Variants in FAM135B observed in about 807,000 individuals in gnomAD.
The protein encoded by FAM135B is protein FAM135B.
FAM135B carries 43 observed loss-of-function variants against 127.7 expected under a neutral mutation model. The observed-to-expected ratio is 0.34, with a 90% CI of 0.26 to 0.43. FAM135B has a LOEUF of 0.43. Among genes scored for constraint, FAM135B ranks in the 20% least tolerant of loss-of-function variants. FAM135B has a pLI of 1.00. For synonymous variants in FAM135B, 670 were observed against 665.1 expected (o/e 1.01, Z -0.11); for missense variants, 1,558 against 1,725.6 (o/e 0.90, Z 1.72).
chr8:138,406,090 A>T (rs1445952753), intron 1 of FAM135B, among the ~76,000 whole-genome samples: 1 of 147,164 alleles, frequency 6.8e-6, no homozygotes, highest in African/African-American at 2.6e-5. Flanking sequence ...AATTTGTTTG[A>T]GTTCATTGTA....
intron 1 of FAM135B, among the ~76,000 whole-genome samples, chr8:138,449,508 AG>A (rs780185867): frequency 2.5e-3 from 383 of 152,188 alleles, no homozygotes; most frequent in Non-Finnish European, 3.4e-3. Flanking sequence ...ACCAATACGA[AG>A]GGGTGGTCAT....
At chr8:138,354,650 C>T (rs16908904) in intron 2 of FAM135B, among the ~76,000 whole-genome samples, 3,578 of 152,178 alleles carry the variant, frequency 0.024, 64 homozygotes, top group East Asian at 0.11. Context: ...CATTGCTCTG[C>T]CCAGAATTCT....
At chr8:138,455,047 A>G (rs1836701421) in intron 1 of FAM135B, among the ~76,000 whole-genome samples, 1 of 152,262 alleles carries the variant, frequency 6.6e-6, no homozygotes, top group Non-Finnish European at 1.5e-5. Flanking sequence ...GATGTATTCA[A>G]GCCATTCAGA....
intron 1 of FAM135B, among the ~76,000 whole-genome samples, chr8:138,391,272 G>T (rs963542226): frequency 3.3e-5 from 5 of 152,002 alleles, no homozygotes; most frequent in Admixed American, 3.3e-4. Context: ...TATTGCCAGT[G>T]GGGGGCGTTA....
At chr8:138,262,782 A>C (rs1822631945) in intron 4 of FAM135B, among the ~76,000 whole-genome samples, 1 of 151,160 alleles carries the variant, frequency 6.6e-6, no homozygotes, top group South Asian at 2.1e-4. Flanking sequence ...GGCCACTGTA[A>C]TCCCAGCTAC....
intron 12 of FAM135B, among the ~76,000 whole-genome samples, chr8:138,159,841 G>C (rs1819184014): frequency 6.6e-6 from 1 of 152,180 alleles, no homozygotes; most frequent in Non-Finnish European, 1.5e-5. Context: ...ATGATAAAGA[G>C]TGTCTTTGGT....
intron 2 of FAM135B, among the ~76,000 whole-genome samples, chr8:138,330,068 C>T (rs1398860518): frequency 6.6e-6 from 1 of 152,152 alleles, no homozygotes; most frequent in African/African-American, 2.4e-5. Context: ...CTTGCCCAGT[C>T]TCTCCAGTCT....
chr8:138,161,003 G>A (rs1314580553), intron 12 of FAM135B, among the ~76,000 whole-genome samples: 1 of 152,146 alleles, frequency 6.6e-6, no homozygotes, highest in Non-Finnish European at 1.5e-5. Context: ...ATGGAACTTA[G>A]ATAAGCTATT....
At chr8:138,436,370 G>C (rs1835460244) in intron 1 of FAM135B, among the ~76,000 whole-genome samples, 1 of 152,118 alleles carries the variant, frequency 6.6e-6, no homozygotes, top group Admixed American at 6.5e-5. Flanking sequence ...TAGCGGCACT[G>C]TGATATGAGA....
At chr8:138,405,395 G>C (rs1250240226) in intron 1 of FAM135B, among the ~76,000 whole-genome samples, 1 of 132,028 alleles carries the variant, frequency 7.6e-6, no homozygotes, top group Non-Finnish European at 1.5e-5. Flanking sequence ...CCCAGAGTGT[G>C]ATGTTCCCCT....
chr8:138,482,984 A>G (rs1587553050), intron 1 of FAM135B, among the ~76,000 whole-genome samples: 1 of 152,188 alleles, frequency 6.6e-6, no homozygotes, highest in Admixed American at 6.5e-5. Flanking sequence ...ACATTTTTCT[A>G]CAAAACCTGT....
At chr8:138,227,235 T>A (rs1233455504) in intron 7 of FAM135B, among the ~76,000 whole-genome samples, 1 of 152,220 alleles carries the variant, frequency 6.6e-6, no homozygotes. Context: ...ATCTTTGCCC[T>A]AGTCAAACCA....
chr8:138,288,850 G>A (rs1413051350), intron 3 of FAM135B, among the ~76,000 whole-genome samples: 1 of 152,202 alleles, frequency 6.6e-6, no homozygotes, highest in Non-Finnish European at 1.5e-5. Flanking sequence ...TCTAGAGCAT[G>A]TATTAAAGAT....
chr8:138,317,568 A>G (rs1827186838), intron 2 of FAM135B, among the ~76,000 whole-genome samples: 3 of 152,234 alleles, frequency 2.0e-5, no homozygotes, highest in Admixed American at 6.5e-5. Flanking sequence ...ATGTGATTCT[A>G]CAACTAACTC....
chr8:138,160,677 C>T (rs372792131), intron 12 of FAM135B, among the ~76,000 whole-genome samples: 3 of 151,858 alleles, frequency 2.0e-5, no homozygotes, highest in African/African-American at 7.3e-5. Flanking sequence ...GGATTACAGG[C>T]GTGAGCCACC....
intron 1 of FAM135B, among the ~76,000 whole-genome samples, chr8:138,488,820 C>T (rs1815090915): frequency 6.6e-6 from 1 of 152,140 alleles, no homozygotes; most frequent in Non-Finnish European, 1.5e-5. Flanking sequence ...GCACGCACCA[C>T]CACACCCAGC....
At chr8:138,421,191 T>G (rs920978863) in intron 1 of FAM135B, among the ~76,000 whole-genome samples, 1 of 152,064 alleles carries the variant, frequency 6.6e-6, no homozygotes, top group African/African-American at 2.4e-5. Flanking sequence ...CAGGCAACTG[T>G]AGTCCCAGCT....
chr8:138,388,706 AGTAAGAAGAT>A (rs1832364143), intron 1 of FAM135B, among the ~76,000 whole-genome samples: 1 of 152,242 alleles, frequency 6.6e-6, no homozygotes, highest in South Asian at 2.1e-4. Context: ...CAACCTAGAC[AGTAAGAAGAT>A]GAGTGGTGAC....
intron 7 of FAM135B, among the ~76,000 whole-genome samples, chr8:138,221,726 T>C (rs143659697): frequency 2.9e-4 from 44 of 152,062 alleles, no homozygotes; most frequent in African/African-American, 1.1e-3. Flanking sequence ...TAGCCTAGAG[T>C]AAAAGCTGCT....
Sources: allele counts gnomAD v4.1 joint callset (sites outside exome capture counted in the v4.1 genomes callset), GRCh38; gene constraint gnomAD v4.1.1; transcripts MANE v1.5; gene names NCBI Gene and HGNC (gene_info 2026-07-23, HGNC 2026-07-21).